The following RAPGEF4 variants were observed in gnomAD, a reference collection of about 807,000 sequenced individuals.
The protein encoded by RAPGEF4 is Rap guanine nucleotide exchange factor 4.
Under a neutral mutation model 147.9 loss-of-function variants are expected in RAPGEF4, and 66 were observed. The ratio of observed to expected loss-of-function variants is 0.45; its 90% CI spans 0.37 to 0.55. RAPGEF4 has a LOEUF of 0.55. Among genes scored for constraint, RAPGEF4 ranks in the 20% least tolerant of loss-of-function variants. The pLI is 0.00. For missense variants in RAPGEF4, 1,071 were observed against 1,257.3 expected (o/e 0.85, Z 2.24); for synonymous variants, 419 against 442.7 (o/e 0.95, Z 0.67).
intron 26 of RAPGEF4, among the ~76,000 whole-genome samples, chr2:173,032,839 A>G (rs997703172): frequency 1.6e-4 from 25 of 152,234 alleles, no homozygotes; most frequent in African/African-American, 5.1e-4. Flanking sequence ...CAGAGGCCCA[A>G]TTGGTGAATC....
chr2:172,776,458 G>A (rs190034650), intron 1 of RAPGEF4, among the ~76,000 whole-genome samples: 8 of 152,172 alleles, frequency 5.3e-5, no homozygotes, highest in Non-Finnish European at 1.0e-4. Context: ...ACTTTTGGGC[G>A]TATTTACTGC....
intron 16 of RAPGEF4, among the ~76,000 whole-genome samples, 158 bp downstream of exon 16, chr2:172,996,712 A>G (rs547686493): frequency 3.4e-4 from 52 of 152,352 alleles, no homozygotes; most frequent in African/African-American, 1.3e-3. Context: ...GACTGGGAAC[A>G]GTCCTTCTGA....
At chr2:173,027,023 C>T (rs1438387439) in intron 24 of RAPGEF4, 58 bp from the exon 25 acceptor site, 1 of 1,432,226 alleles carries the variant, frequency 7.0e-7, no homozygotes. Context: ...AATAGAGAAA[C>T]CTGCTGGTGT....
At chr2:173,027,497 C>G (rs1360224476) in intron 25 of RAPGEF4, among the ~76,000 whole-genome samples, 1 of 152,238 alleles carries the variant, frequency 6.6e-6, no homozygotes, top group Non-Finnish European at 1.5e-5. Context: ...GTTGTGACCT[C>G]TCTTTGCTCT....
chr2:172,796,975 TTCTC>T (rs1340363942), intron 2 of RAPGEF4, among the ~76,000 whole-genome samples: 1 of 152,234 alleles, frequency 6.6e-6, no homozygotes, highest in African/African-American at 2.4e-5. Context: ...CCTAAATATT[TTCTC>T]TCTGAGAGGG....
At chr2:172,797,972 G>T (rs1371738207) in intron 3 of RAPGEF4, among the ~76,000 whole-genome samples, 1 of 152,142 alleles carries the variant, frequency 6.6e-6, no homozygotes. Context: ...GTTTCCTCTT[G>T]GATCCTTTCT....
In RAPGEF4 at chr2:173,022,971, G is replaced by A. The variant is rs529978530; in HGVS notation, c.2253+2256G>A. Among the ~76,000 whole-genome samples the A allele has an allele frequency of 5.3e-5, 8 of 152,166 alleles. No individual in the cohort carries two copies. The East Asian group carries it at 9.7e-4, about 18-fold the overall frequency. On this transcript the variant is annotated intron_variant, in intron 23 of 30. Transcript: ENST00000397081. ...TTTATTTAGTACCTACCACATCATC[G>A]CAGGCATTGTAGATGGTTCTGGCTC...
chr2:172,987,883 T>G (rs1362803108), intron 12 of RAPGEF4, among the ~76,000 whole-genome samples: 2 of 152,238 alleles, frequency 1.3e-5, no homozygotes, highest in Admixed American at 1.3e-4. Context: ...TAGAGCCATT[T>G]TTCTATGGGA....
rs1161751176 is a variant in RAPGEF4, at chr2:173,046,390, A to T, written c.2854-2210A>T. Among the ~76,000 whole-genome samples the T allele has an allele frequency of 2.5e-3, 383 of 152,350 alleles. 1 individual carries two copies. The highest frequency in any genetic ancestry group is 8.2e-3 in the African/African-American group (342 of 41,570). ...AAATGTTTTAGCTTTCAAAACTAAAAAGCAGAACAATTACTCCCTACAAAA... is the reference window on the plus strand; with the variant it reads ...AAATGTTTTAGCTTTCAAAACTAAATAGCAGAACAATTACTCCCTACAAAA... On this transcript the variant is annotated intron_variant, in intron 29 of 30. Coordinates refer to ENST00000397081, the MANE Select transcript of RAPGEF4 (RefSeq NM_007023.4).
chr2:172,892,550 A>G (rs1266178464), intron 4 of RAPGEF4, among the ~76,000 whole-genome samples: 1 of 152,252 alleles, frequency 6.6e-6, no homozygotes, highest in African/African-American at 2.4e-5. Flanking sequence ...ATGGGGGCAG[A>G]GGGAGTTAGT....
chr2:173,026,501 C>T (rs1295707582), intron 23 of RAPGEF4, 71 bp from the exon 24 acceptor site: 4 of 1,496,138 alleles, frequency 2.7e-6, no homozygotes, highest in Non-Finnish European at 3.6e-6. Context: ...CTCAGAAACT[C>T]CTGAAAGCTT....
At chr2:172,804,564 G>GTGA in intron 3 of RAPGEF4, among the ~76,000 whole-genome samples, 1 of 152,134 alleles carries the variant, frequency 6.6e-6, no homozygotes, top group African/African-American at 2.4e-5. Flanking sequence ...CCTGGGAACG[G>GTGA]GGAGTACCTG....
At position 172,814,213 on chromosome 2, in the gene RAPGEF4, A is replaced by C. The variant is rs557562826; in HGVS notation, c.298-66A>C. On this transcript the variant is annotated intron_variant, in intron 3 of 30. Coordinates refer to ENST00000397081, the MANE Select transcript of RAPGEF4 (RefSeq NM_007023.4). ...CCTTGTACAAATTATACTGCAGTTA[A>C]AGAAAAGAAAACACCTACCCATTAG... 6.4e-4 allele frequency: 983 copies of C among 1,532,314 alleles called. 12 individuals carry two copies. In the African/African-American group the frequency reaches 0.012, roughly 18 times the overall value. The allele number at this position is 1,532,314 out of a possible 1,614,324, so 94.9% of individuals were successfully genotyped here.
At chr2:172,983,458 C>T in intron 10 of RAPGEF4, 38 bp from the exon 11 acceptor site, 1 of 1,579,412 alleles carries the variant, frequency 6.3e-7, no homozygotes, top group South Asian at 1.2e-5. Flanking sequence ...TAGTGATGCC[C>T]TTTTTCCATA....
chr2:173,011,170 G>GCGCACACACACACACACACACA (rs564434178), intron 17 of RAPGEF4, among the ~76,000 whole-genome samples: 1 of 133,500 alleles, frequency 7.5e-6, no homozygotes, highest in African/African-American at 2.9e-5. Flanking sequence ...GCGCGCGCGC[G>GCGCACACACACACACACACACA]CACACACACA....
intron 16 of RAPGEF4, 66 bp from the exon 17 acceptor site, chr2:173,001,200 T>C: frequency 1.2e-6 from 2 of 1,603,546 alleles, no homozygotes; most frequent in Non-Finnish European, 1.7e-6. Context: ...AGTGAATGGA[T>C]ACTCTTGCTT....
At chr2:172,766,063 G>A (rs1696804518) in intron 1 of RAPGEF4, among the ~76,000 whole-genome samples, 1 of 152,046 alleles carries the variant, frequency 6.6e-6, no homozygotes, top group African/African-American at 2.4e-5. Flanking sequence ...TAGAGTTCTT[G>A]TCCCTTAAAA....
intron 4 of RAPGEF4, among the ~76,000 whole-genome samples, chr2:172,904,691 G>A (rs1699437222): frequency 1.3e-5 from 2 of 151,840 alleles, no homozygotes; most frequent in Non-Finnish European, 2.9e-5. Context: ...CTGCTTTTAG[G>A]AGTGAAGTGT....
chr2:172,865,314 A>G (rs1694510261), intron 4 of RAPGEF4, among the ~76,000 whole-genome samples: 1 of 152,086 alleles, frequency 6.6e-6, no homozygotes, highest in South Asian at 2.1e-4. Flanking sequence ...CTCACCTCTT[A>G]CCATGCAAGA....
Sources: allele counts gnomAD v4.1 joint callset (sites outside exome capture counted in the v4.1 genomes callset), GRCh38; gene constraint gnomAD v4.1.1; transcripts MANE v1.5; gene names NCBI Gene and HGNC (gene_info 2026-07-23, HGNC 2026-07-21).